Variants in OR10J1 observed in about 807,000 individuals in gnomAD.
OR10J1 encodes olfactory receptor 10J1.
For missense variants in OR10J1, 474 were observed against 376.6 expected (o/e 1.26, Z -2.14); for synonymous variants, 202 against 143.8 (o/e 1.40, Z -2.89).
At chr1:159,405,544 G>T in the OR10J1 span, 3 of 337,004 alleles carry the variant, frequency 8.9e-6, no homozygotes, top group Non-Finnish European at 1.8e-5. Context: ...AATGGTGTAG[G>T]TCACTGAGAT....
rs776911003 is a variant in OR10J1 at position 159,439,849 on chromosome 1, T to G, written c.58T>G (p.Phe20Val). 6.2e-7 allele frequency: 1 copy of G among 1,614,210 alleles called. No homozygotes were observed. The highest frequency in any genetic ancestry group is 8.5e-7 in the Non-Finnish European group (1 of 1,180,018). The change falls in exon 1 of 1, where the codon TTC (phenylalanine) becomes GTC (valine). Residue 20 changes from phenylalanine (F) to valine (V), a missense_variant. Phe to Val is a conservative substitution (Grantham distance 50). Coordinates refer to ENST00000423932, the MANE Select transcript of OR10J1 (RefSeq NM_012351.3). The stretch of plus-strand genomic sequence containing the variant: ...CTTTGTTTTCCAAGGTTTCTCTAGC[T>G]TCCATGAGCAGCAGATCACCCTTTT... ...TDFVFQGFSS[F>V]HEQQITLFGV...
upstream of OR10J1, among the ~76,000 whole-genome samples, chr1:159,436,228 T>A (rs1434857446): frequency 6.6e-6 from 1 of 152,122 alleles, no homozygotes; most frequent in East Asian, 1.9e-4. Flanking sequence ...ACCAATGATA[T>A]CTGATCATGA....
At chr1:159,413,685 G>T in the OR10J1 span, among the ~76,000 whole-genome samples, 1 of 141,774 alleles carries the variant, frequency 7.1e-6, no homozygotes, top group Non-Finnish European at 1.5e-5. Flanking sequence ...TCTAGGGACT[G>T]TTGTGGGGTA....
At chr1:159,432,836 A>G in the OR10J1 span, 64 of 407,474 alleles carry the variant, frequency 1.6e-4, no homozygotes, top group Middle Eastern at 2.2e-3. Flanking sequence ...TGTTCTGCCC[A>G]TGGTATTGAT....
the OR10J1 span, among the ~76,000 whole-genome samples, chr1:159,414,621 T>A: frequency 6.6e-6 from 1 of 152,164 alleles, no homozygotes; most frequent in African/African-American, 2.4e-5. Flanking sequence ...GCAGAATTGC[T>A]GGATCATATG....
At chr1:159,428,570 C>G in the OR10J1 span, among the ~76,000 whole-genome samples, 3 of 152,286 alleles carry the variant, frequency 2.0e-5, no homozygotes, top group East Asian at 5.8e-4. Flanking sequence ...ATAAGACTTG[C>G]TGCCCAACTT....
At chr1:159,430,522 G>A in the OR10J1 span, among the ~76,000 whole-genome samples, 19 of 152,224 alleles carry the variant, frequency 1.2e-4, 1 homozygote, top group African/African-American at 4.3e-4. Flanking sequence ...TCAAAATCTA[G>A]AGTTGGAAGA....
At chr1:159,412,497 C>T in the OR10J1 span, among the ~76,000 whole-genome samples, 1 of 146,382 alleles carries the variant, frequency 6.8e-6, no homozygotes, top group Non-Finnish European at 1.5e-5. Flanking sequence ...AGATATAGAT[C>T]AACGGAACAG....
At chr1:159,417,808 G>A in the OR10J1 span, among the ~76,000 whole-genome samples, 1 of 152,280 alleles carries the variant, frequency 6.6e-6, no homozygotes. Flanking sequence ...GGGAAAGTTT[G>A]GAACTACCTA....
At chr1:159,398,942 T>C in the OR10J1 span, among the ~76,000 whole-genome samples, 6 of 152,048 alleles carry the variant, frequency 3.9e-5, no homozygotes, top group Non-Finnish European at 5.9e-5. Context: ...AAGAGGGTCA[T>C]AGAGCATGAA....
chr1:159,409,350 G>A, the OR10J1 span, among the ~76,000 whole-genome samples: 1 of 151,970 alleles, frequency 6.6e-6, no homozygotes, highest in Admixed American at 6.6e-5. Flanking sequence ...ACCCATCTCC[G>A]CTTTGTTTTT....
the OR10J1 span, among the ~76,000 whole-genome samples, chr1:159,398,881 A>T: frequency 2.0e-5 from 3 of 152,168 alleles, no homozygotes; most frequent in Non-Finnish European, 4.4e-5. Context: ...ATTCAAAAGG[A>T]TTATAACAGA....
At chr1:159,433,550 C>G (rs983463241), upstream of OR10J1, among the ~76,000 whole-genome samples, 2 of 152,130 alleles carry the variant, frequency 1.3e-5, no homozygotes, top group African/African-American at 4.8e-5. Context: ...AGGCCACCAC[C>G]ACCCCTTGTC....
At chr1:159,430,727 G>T in the OR10J1 span, among the ~76,000 whole-genome samples, 3 of 151,900 alleles carry the variant, frequency 2.0e-5, no homozygotes, top group South Asian at 6.3e-4. Flanking sequence ...GTTATGGGGG[G>T]TGGGGATGGG....
the OR10J1 span, among the ~76,000 whole-genome samples, chr1:159,415,392 G>A: frequency 6.6e-6 from 1 of 151,904 alleles, no homozygotes; most frequent in East Asian, 1.9e-4. Flanking sequence ...ATAAATGAAT[G>A]CATTTCTGAA....
At chr1:159,414,177 C>T in the OR10J1 span, among the ~76,000 whole-genome samples, 1 of 152,016 alleles carries the variant, frequency 6.6e-6, no homozygotes, top group Non-Finnish European at 1.5e-5. Context: ...CTGCTGTGGA[C>T]CATGAGAATT....
the OR10J1 span, among the ~76,000 whole-genome samples, chr1:159,397,529 G>A: frequency 6.6e-6 from 1 of 151,992 alleles, no homozygotes; most frequent in Admixed American, 6.6e-5. Flanking sequence ...CTACCCTGAA[G>A]GGTGAGTCCC....
the OR10J1 span, among the ~76,000 whole-genome samples, chr1:159,407,945 G>C: frequency 2.0e-5 from 3 of 152,082 alleles, no homozygotes; most frequent in Non-Finnish European, 4.4e-5. Context: ...ACAATGTAGA[G>C]AGTAAGGGGT....
the OR10J1 span, among the ~76,000 whole-genome samples, chr1:159,421,256 T>C: frequency 6.6e-6 from 1 of 151,726 alleles, no homozygotes; most frequent in African/African-American, 2.4e-5. Flanking sequence ...GGTTCTTTTT[T>C]ATGTTATCTA....
Sources: gnomAD v4.1 joint callset for allele counts (sites outside exome capture counted in the v4.1 genomes callset) on GRCh38, gnomAD v4.1.1 for gene constraint, MANE v1.5 for transcripts, NCBI Gene and HGNC (gene_info 2026-07-23, HGNC 2026-07-21) for gene names.